MYO16: variants seen among roughly 807,000 people sequenced by gnomAD.
MYO16 encodes unconventional myosin-XVI.
MYO16 carries 94 observed loss-of-function variants against 205.3 expected under a neutral mutation model. That is an observed-to-expected ratio of 0.46 (90% CI 0.39 to 0.54). MYO16 has a LOEUF of 0.54. Ranked by LOEUF, MYO16 falls within the 20% of genes least tolerant of loss-of-function variation. The pLI is 0.00. For missense variants in MYO16, 2,315 were observed against 2,387.5 expected (o/e 0.97, Z 0.63); for synonymous variants, 988 against 954.0 (o/e 1.04, Z -0.66).
chr13:109,138,601 T>C (rs1293787827), intron 31 of MYO16, among the ~76,000 whole-genome samples: 1 of 152,102 alleles, frequency 6.6e-6, no homozygotes, highest in Non-Finnish European at 1.5e-5. Flanking sequence ...GCTTCTTTTT[T>C]CAACGTCAGA....
At chr13:108,500,374 C>T in the MYO16 span, among the ~76,000 whole-genome samples, 9 of 151,584 alleles carry the variant, frequency 5.9e-5, no homozygotes, top group South Asian at 2.1e-4. Flanking sequence ...CGATTACAGG[C>T]GCCTGCCACC....
At chr13:108,551,309 G>C in the MYO16 span, among the ~76,000 whole-genome samples, 2 of 152,130 alleles carry the variant, frequency 1.3e-5, no homozygotes, top group Non-Finnish European at 2.9e-5. Context: ...TCCTCCTGTA[G>C]CTTGCTCCCT....
At chr13:108,795,264 T>C (rs936843527) in intron 6 of MYO16, among the ~76,000 whole-genome samples, 2 of 151,938 alleles carry the variant, frequency 1.3e-5, no homozygotes, top group Admixed American at 1.3e-4. Context: ...TGGTCTTGGC[T>C]CACTGCAACC....
intron 27 of MYO16, among the ~76,000 whole-genome samples, chr13:109,057,367 G>A (rs903823221): frequency 5.9e-5 from 9 of 152,190 alleles, no homozygotes; most frequent in South Asian, 2.1e-4. Context: ...ATTTCAGATA[G>A]ACAAGATATT....
chr13:108,848,042 A>C (rs1877615766), intron 10 of MYO16, among the ~76,000 whole-genome samples: 2 of 152,216 alleles, frequency 1.3e-5, no homozygotes, highest in Admixed American at 6.5e-5. Context: ...TCAGGTCTGC[A>C]GCTCTGGAGC....
intron 4 of MYO16, among the ~76,000 whole-genome samples, chr13:108,738,261 T>C (rs189856201): frequency 3.0e-4 from 46 of 152,340 alleles, no homozygotes; most frequent in African/African-American, 1.1e-3. Flanking sequence ...TGCTTTCTCT[T>C]GTGGGCATTT....
At chr13:108,959,992 G>A (rs1318382233) in intron 17 of MYO16, among the ~76,000 whole-genome samples, 1 of 142,038 alleles carries the variant, frequency 7.0e-6, no homozygotes, top group African/African-American at 2.5e-5. Flanking sequence ...AAAAAAAAAA[G>A]CTGGGCATGG....
chr13:109,082,170 A>G (rs1888301763), intron 27 of MYO16, among the ~76,000 whole-genome samples: 1 of 152,140 alleles, frequency 6.6e-6, no homozygotes, highest in Non-Finnish European at 1.5e-5. Context: ...TAGACTGACC[A>G]GTGATTTATA....
At chr13:108,958,625 G>A (rs930709082) in intron 17 of MYO16, among the ~76,000 whole-genome samples, 2 of 152,148 alleles carry the variant, frequency 1.3e-5, no homozygotes, top group Non-Finnish European at 2.9e-5. Context: ...CTAGTGGGCT[G>A]AAGAAATAAA....
At chr13:109,021,238 G>C (rs1283911475) in intron 23 of MYO16, among the ~76,000 whole-genome samples, 1 of 152,060 alleles carries the variant, frequency 6.6e-6, no homozygotes, top group Non-Finnish European at 1.5e-5. Context: ...GAACTTTCAG[G>C]AATGACATTA....
chr13:108,843,113 G>T (rs914711968), intron 9 of MYO16, among the ~76,000 whole-genome samples: 2 of 151,444 alleles, frequency 1.3e-5, no homozygotes, highest in Non-Finnish European at 2.9e-5. Flanking sequence ...AGCAAGGGAA[G>T]GTGTCAGTCA....
intron 19 of MYO16, among the ~76,000 whole-genome samples, chr13:108,963,978 G>A (rs1461526272): frequency 1.3e-5 from 2 of 152,192 alleles, no homozygotes; most frequent in Non-Finnish European, 2.9e-5. Flanking sequence ...TTTTCCGCCA[G>A]TATCAGTAGG....
At position 109,086,996 on chromosome 13, in the gene MYO16, T is replaced by C. The variant is rs1485712296; in HGVS notation, c.3336-13789T>C. ...TAATATCTCACGGGCCAAATGTTTA[T>C]TTTGTCTTTATAATAAATATTGATT... On this transcript the variant is annotated intron_variant, in intron 27 of 34. Transcript: ENST00000457511. Among the ~76,000 whole-genome samples the C allele has an allele frequency of 2.0e-5, 3 of 152,236 alleles. No individual in the cohort carries two copies. In the East Asian group the frequency reaches 5.8e-4, roughly 29 times the overall value.
intron 16 of MYO16, among the ~76,000 whole-genome samples, chr13:108,920,162 T>C (rs1315486166): frequency 6.6e-6 from 1 of 152,198 alleles, no homozygotes; most frequent in Admixed American, 6.5e-5. Flanking sequence ...TACCTTACGT[T>C]GAAGGACCAC....
chr13:108,588,378 G>T, the MYO16 span, among the ~76,000 whole-genome samples: 9 of 152,256 alleles, frequency 5.9e-5, no homozygotes, highest in African/African-American at 2.2e-4. Context: ...CTGGCTCAGC[G>T]CTAGGTAGAG....
intron 28 of MYO16, among the ~76,000 whole-genome samples, chr13:109,109,276 G>A (rs1432117530): frequency 1.3e-5 from 2 of 152,226 alleles, no homozygotes; most frequent in African/African-American, 4.8e-5. Context: ...TTACTAACAC[G>A]TTTTTCTTCT....
chr13:108,535,146 T>C, the MYO16 span, among the ~76,000 whole-genome samples: 1 of 151,868 alleles, frequency 6.6e-6, no homozygotes, highest in African/African-American at 2.4e-5. Flanking sequence ...TTGTTCTTTC[T>C]TGCTCTTCTC....
At chr13:108,695,603 T>C (rs2139505770) in intron 2 of MYO16, among the ~76,000 whole-genome samples, 1 of 152,300 alleles carries the variant, frequency 6.6e-6, no homozygotes, top group South Asian at 2.1e-4. Flanking sequence ...CATGGCTTTT[T>C]TCATGGTAAG....
intron 4 of MYO16, among the ~76,000 whole-genome samples, chr13:108,749,752 C>G (rs1239481954): frequency 6.6e-6 from 1 of 152,214 alleles, no homozygotes; most frequent in African/African-American, 2.4e-5. Flanking sequence ...TCTTACAATA[C>G]AACCCAGCAA....
Sources: allele counts gnomAD v4.1 joint callset (sites outside exome capture counted in the v4.1 genomes callset), GRCh38; gene constraint gnomAD v4.1.1; transcripts MANE v1.5; gene names NCBI Gene and HGNC (gene_info 2026-07-23, HGNC 2026-07-21).